Variants in TCERG1L observed in about 807,000 individuals in gnomAD.
The protein encoded by TCERG1L is transcription elongation regulator 1 like, also known as transcription elongation regulator 1-like protein.
Under a neutral mutation model 56.3 loss-of-function variants are expected in TCERG1L, and 37 were observed. The observed-to-expected ratio is 0.66, with a 90% CI of 0.51 to 0.87. TCERG1L has a LOEUF of 0.87. Among genes scored for constraint, TCERG1L ranks in the 40% least tolerant of loss-of-function variants. The pLI is 0.00. For synonymous variants in TCERG1L, 324 were observed against 326.3 expected (o/e 0.99, Z 0.08); for missense variants, 799 against 774.2 (o/e 1.03, Z -0.38).
intron 4 of TCERG1L, among the ~76,000 whole-genome samples, chr10:131,210,045 G>GT (rs1281037369): frequency 3.3e-5 from 5 of 152,252 alleles, no homozygotes; most frequent in African/African-American, 1.2e-4. Flanking sequence ...AAAAATGAAT[G>GT]TTTTTTGCAA....
rs933966354 is a variant in TCERG1L at position 131,111,174 on chromosome 10, C to T, written c.1395+5625G>A. Among the ~76,000 whole-genome samples the T allele has an allele frequency of 9.1e-5, 13 of 143,072 alleles. 1 individual carries two copies. Among genetic ancestry groups the T allele is most frequent in the African/African-American group, 1.5e-4 (6 of 40,556 alleles). 93.9% of individuals were successfully genotyped at this position (143,072 alleles called of 152,430 possible). On this transcript the variant is annotated intron_variant, in intron 9 of 11. Transcript: ENST00000368642. ...CTCCAAGGAAAGCTGGAGCCATGCC[C>T]GCTCCGACCCTGACACTGGGGCTGG...
chr10:131,275,193 C>T (rs1226926706), intron 3 of TCERG1L, among the ~76,000 whole-genome samples: 1 of 152,208 alleles, frequency 6.6e-6, no homozygotes, highest in Non-Finnish European at 1.5e-5. Context: ...CATATGTCCA[C>T]GGAGGACCCT....
intron 4 of TCERG1L, among the ~76,000 whole-genome samples, chr10:131,182,910 T>A (rs1033888913): frequency 2.0e-5 from 3 of 152,382 alleles, no homozygotes; most frequent in Non-Finnish European, 4.4e-5. Flanking sequence ...ATGGCTTTAA[T>A]TAGTTTAAGG....
At chr10:131,143,500 A>T (rs1845760481) in intron 7 of TCERG1L, among the ~76,000 whole-genome samples, 1 of 152,158 alleles carries the variant, frequency 6.6e-6, no homozygotes, top group Non-Finnish European at 1.5e-5. Flanking sequence ...CAAATGTCCC[A>T]GTGAAGTGAC....
chr10:131,130,201 T>C (rs1845603547), intron 8 of TCERG1L, among the ~76,000 whole-genome samples: 1 of 151,904 alleles, frequency 6.6e-6, no homozygotes, highest in Non-Finnish European at 1.5e-5. Flanking sequence ...GGAGAGTGTG[T>C]GCGTGGGAAC....
chr10:131,306,815 A>G (rs1589779509), intron 3 of TCERG1L, among the ~76,000 whole-genome samples: 1 of 152,304 alleles, frequency 6.6e-6, no homozygotes, highest in East Asian at 1.9e-4. Context: ...AGAGGTGGCC[A>G]TAAGCCTCTC....
At chr10:131,230,497 G>T (rs547601031) in intron 4 of TCERG1L, among the ~76,000 whole-genome samples, 8 of 152,240 alleles carry the variant, frequency 5.3e-5, no homozygotes, top group African/African-American at 1.9e-4. Flanking sequence ...ACTGAGGGAC[G>T]CTGGGGAAAA....
At position 131,311,284 on chromosome 10, in the gene TCERG1L, G is replaced by A. The variant is rs914634767; in HGVS notation, c.342+10C>T. 4 of 1,204,326 alleles carry A rather than the reference G, an allele frequency of 3.3e-6. No homozygotes were observed. In the South Asian group the frequency reaches 1.7e-4, roughly 50 times the overall value. 74.6% of individuals were successfully genotyped at this position (1,204,326 alleles called of 1,614,324 possible). On this transcript the variant is annotated intron_variant, in intron 1 of 11. Coordinates refer to ENST00000368642, the MANE Select transcript of TCERG1L (RefSeq NM_174937.4). This position sits in a 1 kb window ranked among gnomAD's most constrained non-coding sequence, Gnocchi z 4.0. ...GCGACCCGGGCCGAGGCGGGACGGGGACACGTTACCTGCCCGTGGAGCGCG... is the reference window on the plus strand; with the variant it reads ...GCGACCCGGGCCGAGGCGGGACGGGAACACGTTACCTGCCCGTGGAGCGCG...
At chr10:131,160,361 C>T (rs1157302232) in intron 6 of TCERG1L, among the ~76,000 whole-genome samples, 1 of 152,148 alleles carries the variant, frequency 6.6e-6, no homozygotes, top group Non-Finnish European at 1.5e-5. Flanking sequence ...CCTCTGTGCT[C>T]CCAGGCCCAA....
intron 6 of TCERG1L, 30 bp from the exon 7 acceptor site, chr10:131,146,690 GC>G: frequency 1.3e-6 from 2 of 1,590,254 alleles, no homozygotes; most frequent in Non-Finnish European, 1.7e-6. Flanking sequence ...CATCTCAGTC[GC>G]TCTCGGAGAC....
Position 131,309,256 on chromosome 10 carries a change from G to T in TCERG1L, c.386C>A (p.Ser129Tyr). 1 of 1,604,650 alleles carries T rather than the reference G, an allele frequency of 6.2e-7. No homozygotes were observed. Residue 129 changes from serine to tyrosine, a missense_variant, in exon 2 of 12, where the codon TCT becomes TAT. By Grantham distance (144) the Ser-to-Tyr change is moderately radical. Transcript: ENST00000368642. The part of the protein sequence containing the change: ...GHSPSLGLPP[S>Y]STVELVPVFP... ...GACGGGCACCAGCTCCACTGTGGAAGAGGGGGGCAGTCCTAGGGACGGAGA... is the reference window on the plus strand; with the variant it reads ...GACGGGCACCAGCTCCACTGTGGAATAGGGGGGCAGTCCTAGGGACGGAGA...
intron 4 of TCERG1L, among the ~76,000 whole-genome samples, chr10:131,209,618 C>T (rs144788011): frequency 3.3e-4 from 50 of 152,286 alleles, no homozygotes; most frequent in African/African-American, 1.2e-3. Flanking sequence ...GTGAGGCCTG[C>T]TAACCTTCTC....
chr10:131,133,860 C>T (rs1845646530), intron 8 of TCERG1L, among the ~76,000 whole-genome samples: 1 of 152,232 alleles, frequency 6.6e-6, no homozygotes, highest in Admixed American at 6.5e-5. Context: ...TGTGTGCACC[C>T]TGCAGGAATG....
At chr10:131,161,695 A>T (rs557310761) in intron 6 of TCERG1L, 1 of 152,316 alleles carries the variant, frequency 6.6e-6, no homozygotes, top group South Asian at 2.1e-4. Context: ...ACGTGACTGG[A>T]GGGCCGTCAC....
intron 8 of TCERG1L, among the ~76,000 whole-genome samples, chr10:131,131,852 A>G (rs2133402291): frequency 6.6e-6 from 1 of 152,338 alleles, no homozygotes; most frequent in Admixed American, 6.5e-5. Context: ...CGCTATCCAC[A>G]CAAAAAGCGC....
intron 9 of TCERG1L, among the ~76,000 whole-genome samples, chr10:131,109,245 A>G (rs890692760): frequency 3.9e-5 from 6 of 152,142 alleles, no homozygotes; most frequent in African/African-American, 1.4e-4. Flanking sequence ...ATTCTTCTGT[A>G]AACTTCAGAC....
At chr10:131,289,230 T>C (rs1846580295) in intron 3 of TCERG1L, among the ~76,000 whole-genome samples, 1 of 152,038 alleles carries the variant, frequency 6.6e-6, no homozygotes, top group African/African-American at 2.4e-5. Flanking sequence ...CTTCATTTCG[T>C]GAGCGTCACG....
At chr10:131,160,041 G>A (rs1845960915) in intron 6 of TCERG1L, among the ~76,000 whole-genome samples, 1 of 152,134 alleles carries the variant, frequency 6.6e-6, no homozygotes, top group South Asian at 2.1e-4. Context: ...CATGAAACGA[G>A]AAACGCAGTG....
chr10:131,238,015 C>T (rs1424713961), intron 4 of TCERG1L, among the ~76,000 whole-genome samples: 2 of 152,168 alleles, frequency 1.3e-5, no homozygotes, highest in African/African-American at 2.4e-5. Context: ...AATCAATGGC[C>T]GTCTTTTCAA....
Sources: allele counts gnomAD v4.1 joint callset (sites outside exome capture counted in the v4.1 genomes callset), GRCh38; gene constraint gnomAD v4.1.1; non-coding constraint Gnocchi (gnomAD v3.1); transcripts MANE v1.5; gene names NCBI Gene and HGNC (gene_info 2026-07-23, HGNC 2026-07-21).